Variants in ATP8A1 observed in about 807,000 individuals in gnomAD.
The protein encoded by ATP8A1 is phospholipid-transporting ATPase IA.
In ATP8A1, 90 loss-of-function variants were observed where a neutral mutation model predicts 177.7. The observed-to-expected ratio is 0.51, with a 90% CI of 0.43 to 0.60. ATP8A1 has a LOEUF of 0.60. Ranked by LOEUF, ATP8A1 falls within the 20% of genes least tolerant of loss-of-function variation. The pLI is 0.00. For synonymous variants in ATP8A1, 493 were observed against 485.9 expected (o/e 1.01, Z -0.19); for missense variants, 1,072 against 1,392.8 (o/e 0.77, Z 3.67).
At chr4:42,600,139 G>C (rs1735096216) in intron 6 of ATP8A1, among the ~76,000 whole-genome samples, 1 of 11,398 alleles carries the variant, frequency 8.8e-5, no homozygotes, top group Non-Finnish European at 4.3e-3. Context: ...TAAAACATCA[G>C]AACTCAAAAT....
At chr4:42,469,928 G>A (rs1167638136) in intron 25 of ATP8A1, among the ~76,000 whole-genome samples, 2 of 152,178 alleles carry the variant, frequency 1.3e-5, no homozygotes, top group East Asian at 1.9e-4. Flanking sequence ...ATCCATGGCT[G>A]AGAATATCTA....
At chr4:42,500,280 G>A (rs140346356) in intron 24 of ATP8A1, among the ~76,000 whole-genome samples, 2,231 of 152,200 alleles carry the variant, frequency 0.015, 53 homozygotes, top group African/African-American at 0.05. Context: ...CAGGAGAATC[G>A]CTTGAACCCA....
chr4:42,499,246 A>G, intron 24 of ATP8A1, among the ~76,000 whole-genome samples: 1 of 152,338 alleles, frequency 6.6e-6, no homozygotes, highest in Middle Eastern at 3.4e-3. Context: ...TTTTGAGGGT[A>G]GGAAATTTAT....
At chr4:42,461,541 A>G (rs6447162) in intron 27 of ATP8A1, among the ~76,000 whole-genome samples, 145,159 of 152,238 alleles carry the variant, frequency 0.95, 69,562 homozygotes, top group Non-Finnish European at 1. Flanking sequence ...CTTGCCTTCC[A>G]TCATGATTGT....
chr4:42,410,404 A>G lies in ATP8A1; in HGVS notation c.*2512T>C, dbSNP rs1018000356. On this transcript the variant is annotated 3_prime_UTR_variant, in exon 37 of 37. Coordinates refer to ENST00000381668, the MANE Select transcript of ATP8A1 (RefSeq NM_006095.2). Reference sequence around the variant, plus strand: ...TGAAGAGTACGTGCCCTTTATTTCAAAAAAACACATGTTAAAAGTCACATT... The same window carrying G: ...TGAAGAGTACGTGCCCTTTATTTCAGAAAAACACATGTTAAAAGTCACATT... The G allele has an allele frequency of 6.6e-6, 1 of 152,204 alleles. No individual in the cohort carries two copies. The highest frequency in any genetic ancestry group is 1.5e-5 in the Non-Finnish European group (1 of 68,014). 9.4% of individuals were successfully genotyped at this position (152,204 alleles called of 1,614,324 possible).
chr4:42,440,982 T>C (rs955300460), intron 33 of ATP8A1, among the ~76,000 whole-genome samples: 3 of 152,170 alleles, frequency 2.0e-5, no homozygotes, highest in African/African-American at 4.8e-5. Flanking sequence ...ACTGGGATCC[T>C]GGGGATATGA....
At chr4:42,585,450 G>C (rs1027753380) in intron 9 of ATP8A1, among the ~76,000 whole-genome samples, 1 of 149,060 alleles carries the variant, frequency 6.7e-6, no homozygotes, top group Admixed American at 6.7e-5. Context: ...ATCAGAAGGT[G>C]GGGACTTTGG....
chr4:42,655,338 T>C (rs965300024), intron 1 of ATP8A1, among the ~76,000 whole-genome samples: 14 of 152,198 alleles, frequency 9.2e-5, no homozygotes, highest in African/African-American at 3.4e-4. Flanking sequence ...TCAAGAACAA[T>C]ACTGCAGCCC....
At chr4:42,629,742 T>C (rs1435857184) in intron 1 of ATP8A1, among the ~76,000 whole-genome samples, 1 of 152,198 alleles carries the variant, frequency 6.6e-6, no homozygotes, top group Non-Finnish European at 1.5e-5. Context: ...ACCTCAGAGA[T>C]CCTCAGGAAT....
intron 24 of ATP8A1, among the ~76,000 whole-genome samples, chr4:42,501,529 CATT>C (rs1281893688): frequency 6.6e-6 from 1 of 152,240 alleles, no homozygotes; most frequent in Non-Finnish European, 1.5e-5. Flanking sequence ...TTTCCTAAGA[CATT>C]ATATTCCTAA....
At position 42,586,475 on chromosome 4, in the gene ATP8A1, C is replaced by A; in HGVS notation, c.596G>T (p.Gly199Val). 6.2e-7 allele frequency: 1 copy of A among 1,613,186 alleles called. No individual in the cohort carries two copies. Among genetic ancestry groups the A allele is most frequent in the Non-Finnish European group, 8.5e-7 (1 of 1,179,744 alleles). ...TTTGATATCTGATGTTGCTGGTAAGCCCTGTTTGGAATTTTTAAATAAGCA... is the reference window on the plus strand; with the variant it reads ...TTTGATATCTGATGTTGCTGGTAAGACCTGTTTGGAATTTTTAAATAAGCA... ...DGETNLKIRQ[G>V]LPATSDIKDV... The change falls in exon 9 of 37, where the codon GGC becomes GTC. Residue 199 changes from glycine (G) to valine (V), a missense_variant and splice_region_variant. Around this residue, in one of 5 missense-constraint regions of ATP8A1, gnomAD observed 344 missense variants for 393.5 expected, o/e 0.87. Coordinates refer to ENST00000381668, the MANE Select transcript of ATP8A1 (RefSeq NM_006095.2).
chr4:42,421,502 T>C (rs1029623632), intron 35 of ATP8A1, among the ~76,000 whole-genome samples: 1 of 152,112 alleles, frequency 6.6e-6, no homozygotes, highest in African/African-American at 2.4e-5. Flanking sequence ...TGGATCTGTA[T>C]AGGGTTGTTA....
rs549513227 is a variant in ATP8A1 at position 42,644,319 on chromosome 4, C to T, written c.49+12506G>A. Among the ~76,000 whole-genome samples, 29 of 152,190 alleles carry T rather than the reference C, an allele frequency of 1.9e-4. No individual in the cohort carries two copies. The South Asian group carries it at 4.8e-3, about 25-fold the overall frequency. On this transcript the variant is annotated intron_variant, in intron 1 of 36. Transcript: ENST00000381668. ...AGTTTTTTCTTTTGCTAATTGTATT[C>T]ACTTGGAAGTCAACAAAAGGCCAAC... is the stretch of plus-strand genomic sequence containing the variant.
intron 15 of ATP8A1, among the ~76,000 whole-genome samples, chr4:42,560,129 C>T (rs1468415200): frequency 6.6e-6 from 1 of 152,160 alleles, no homozygotes; most frequent in African/African-American, 2.4e-5. Context: ...GAAAAAATCT[C>T]AGAGATGCAC....
At chr4:42,478,710 C>T (rs1560370750) in intron 25 of ATP8A1, among the ~76,000 whole-genome samples, 1 of 152,188 alleles carries the variant, frequency 6.6e-6, no homozygotes, top group Non-Finnish European at 1.5e-5. Context: ...AGAGGGAAGG[C>T]ACCGCAGTGA....
intron 2 of ATP8A1, chr4:42,626,017 C>T (rs1280142456): frequency 5.4e-6 from 1 of 186,668 alleles, no homozygotes; most frequent in Non-Finnish European, 1.1e-5. Context: ...AGTTAAAGGG[C>T]TCCAGCCCTC....
intron 1 of ATP8A1, among the ~76,000 whole-genome samples, chr4:42,634,457 G>A (rs1739070875): frequency 6.6e-6 from 1 of 152,086 alleles, no homozygotes; most frequent in Admixed American, 6.6e-5. Context: ...TTAATGAATA[G>A]AATTCTCTTT....
chr4:42,568,080 TAGTA>T (rs1398285353), intron 15 of ATP8A1, among the ~76,000 whole-genome samples: 1 of 152,242 alleles, frequency 6.6e-6, no homozygotes, highest in Admixed American at 6.5e-5. Context: ...TATCCACTAA[TAGTA>T]AGATGCTTTG....
chr4:42,609,907 C>T (rs187500578), intron 5 of ATP8A1, among the ~76,000 whole-genome samples: 1 of 152,264 alleles, frequency 6.6e-6, no homozygotes, highest in Non-Finnish European at 1.5e-5. Flanking sequence ...AAAAATGACC[C>T]TAACTTGCCT....
Sources: allele counts gnomAD v4.1 joint callset (sites outside exome capture counted in the v4.1 genomes callset), GRCh38; gene constraint gnomAD v4.1.1; regional missense constraint gnomAD v4.1.1; transcripts MANE v1.5; gene names NCBI Gene and HGNC (gene_info 2026-07-23, HGNC 2026-07-21).